Variants in ARHGAP22 observed in about 807,000 individuals in gnomAD.
ARHGAP22 encodes rho GTPase-activating protein 22.
Under a neutral mutation model 59.1 loss-of-function variants are expected in ARHGAP22, and 48 were observed. The ratio of observed to expected loss-of-function variants is 0.81; its 90% CI spans 0.64 to 1.03. ARHGAP22 has a LOEUF of 1.03. ARHGAP22 is among the 50% of genes least tolerant of loss of function. The probability of loss-of-function intolerance (pLI) is 0.00; values close to 1 mark genes in which losing one functional copy is unlikely to be tolerated. For synonymous variants in ARHGAP22, 445 were observed against 416.4 expected (o/e 1.07, Z -0.84); for missense variants, 1,015 against 958.7 (o/e 1.06, Z -0.78).
At chr10:48,649,142 C>A (rs553297132) in intron 1 of ARHGAP22, among the ~76,000 whole-genome samples, 1 of 152,208 alleles carries the variant, frequency 6.6e-6, no homozygotes, top group Non-Finnish European at 1.5e-5. Context: ...GAGAACAAGT[C>A]CAAGTTTCTG....
chr10:48,447,216 C>T (rs562915656), intron 9 of ARHGAP22, among the ~76,000 whole-genome samples: 3 of 152,364 alleles, frequency 2.0e-5, no homozygotes, highest in South Asian at 4.1e-4. Context: ...CTATACCACA[C>T]GCTTCCATGC....
At chr10:48,520,413 C>T (rs939087375) in intron 3 of ARHGAP22, among the ~76,000 whole-genome samples, 2 of 152,170 alleles carry the variant, frequency 1.3e-5, no homozygotes, top group South Asian at 2.1e-4. Context: ...GGAGCAGGCC[C>T]GCAGGTGCTC....
the ARHGAP22 span, chr10:48,431,032 T>C: frequency 9.3e-6 from 6 of 644,100 alleles, no homozygotes; most frequent in Non-Finnish European, 1.7e-5. Context: ...TTGTTATTAA[T>C]TAACATCCTT....
intron 3 of ARHGAP22, among the ~76,000 whole-genome samples, chr10:48,508,242 C>T (rs1005143549): frequency 1.3e-5 from 2 of 152,244 alleles, no homozygotes; most frequent in African/African-American, 4.8e-5. Flanking sequence ...GGTCACTTTT[C>T]CTGCTGCAGT....
Position 48,446,474 on chromosome 10 carries a change from G to C in ARHGAP22, c.2014C>G (p.Leu672Val). 1 of 1,614,206 alleles carries C rather than the reference G, an allele frequency of 6.2e-7. No individual in the cohort carries two copies. Among genetic ancestry groups the C allele is most frequent in the Non-Finnish European group, 8.5e-7 (1 of 1,180,036 alleles). The stretch of plus-strand genomic sequence containing the variant: ...AACTCCTCCATTTCCCTCTGCAACA[G>C]CTGGTTCCTCCTCTCCGCATCCTCC... ...AREDAERRNQLLQREMEEFFS... is the reference protein window; with the variant it reads ...AREDAERRNQVLQREMEEFFS... The change falls in exon 10 of 10, where the codon CTG becomes GTG. Residue 672 changes from leucine to valine, a missense_variant. By Grantham distance (32) the Leu-to-Val change is conservative. Coordinates refer to ENST00000249601, the MANE Select transcript of ARHGAP22 (RefSeq NM_021226.4).
chr10:48,622,634 G>T lies in ARHGAP22; in HGVS notation c.52+29600C>A, dbSNP rs546215099. 2.0e-5 allele frequency among the ~76,000 whole-genome samples: 3 copies of T among 152,294 alleles called. No individual in the cohort carries two copies. The South Asian group carries it at 6.2e-4, about 32-fold the overall frequency. The stretch of plus-strand genomic sequence containing the variant: ...TTAGACAGCCCTGGGATCAAAATCT[G>T]ACCATCATATACTGGCTGAGTGGAT... On this transcript the variant is annotated intron_variant, in intron 1 of 9. Coordinates refer to the ARHGAP22 transcript ENST00000435790.
At chr10:48,596,425 G>A (rs1001101714) in intron 1 of ARHGAP22, among the ~76,000 whole-genome samples, 1 of 152,162 alleles carries the variant, frequency 6.6e-6, no homozygotes, top group African/African-American at 2.4e-5. Flanking sequence ...TGAGACAGTC[G>A]GGCTTGGGGT....
At chr10:48,652,576 C>T in exon 1 of ARHGAP22, 2 of 450,992 alleles carry the variant, frequency 4.4e-6, no homozygotes, top group Non-Finnish European at 7.9e-6. Flanking sequence ...AAAATGGGAA[C>T]AATAGTGACA....
intron 1 of ARHGAP22, among the ~76,000 whole-genome samples, chr10:48,651,250 TC>T (rs769628896): frequency 9.9e-5 from 15 of 152,080 alleles, no homozygotes; most frequent in Non-Finnish European, 2.1e-4. Context: ...CCCACTAGCT[TC>T]TAGAATTTCC....
rs559089044 is a variant in ARHGAP22, at chr10:48,645,986, A to G, written c.52+6248T>C. On this transcript the variant is annotated intron_variant, in intron 1 of 9. Coordinates refer to the ARHGAP22 transcript ENST00000435790. The stretch of plus-strand genomic sequence containing the variant: ...CTAATTTAAAAATCTGCTAGAACTA[A>G]TAAGTTTTTCAAAGTTGCAGAATAC... 1.2e-4 allele frequency among the ~76,000 whole-genome samples: 19 copies of G among 152,352 alleles called. No homozygotes were observed. In the South Asian group the frequency reaches 3.9e-3, roughly 32 times the overall value.
exon 1 of ARHGAP22, chr10:48,652,249 C>T: frequency 6.5e-7 from 1 of 1,535,650 alleles, no homozygotes; most frequent in African/African-American, 1.4e-5. Flanking sequence ...TATCTGGCTG[C>T]AAACGTCCTC....
chr10:48,529,169 G>A (rs371361352), intron 3 of ARHGAP22, among the ~76,000 whole-genome samples: 10 of 152,296 alleles, frequency 6.6e-5, no homozygotes, highest in African/African-American at 2.2e-4. Flanking sequence ...TGGCTAGAGC[G>A]AGATAGGGAC....
intron 3 of ARHGAP22, among the ~76,000 whole-genome samples, chr10:48,530,023 G>A (rs2054670608): frequency 6.6e-6 from 1 of 152,104 alleles, no homozygotes; most frequent in African/African-American, 2.4e-5. Context: ...GATCATCTGA[G>A]GTCAAGAGTT....
At chr10:48,440,868 G>T in the ARHGAP22 span, among the ~76,000 whole-genome samples, 2 of 152,348 alleles carry the variant, frequency 1.3e-5, no homozygotes, top group Admixed American at 6.5e-5. Context: ...ATAGCCAGTT[G>T]AGAGAAGGGA....
chr10:48,597,826 G>A (rs2135835122), intron 1 of ARHGAP22, among the ~76,000 whole-genome samples: 1 of 152,312 alleles, frequency 6.6e-6, no homozygotes, highest in African/African-American at 2.4e-5. Flanking sequence ...CTGCCTATGA[G>A]CCATTAGCTT....
intron 3 of ARHGAP22, among the ~76,000 whole-genome samples, chr10:48,491,170 C>T (rs536195350): frequency 6.6e-5 from 10 of 152,188 alleles, no homozygotes; most frequent in Admixed American, 1.3e-4. Flanking sequence ...GCAAAGGCCT[C>T]GCAGTGAGCC....
At chr10:48,609,458 GA>G (rs1275570626), upstream of ARHGAP22, among the ~76,000 whole-genome samples, 1 of 152,208 alleles carries the variant, frequency 6.6e-6, no homozygotes. Flanking sequence ...TTCCCATGTA[GA>G]ATATGGTAGA....
chr10:48,489,730 CTTTTT>C (rs377099863), intron 3 of ARHGAP22, among the ~76,000 whole-genome samples: 1 of 119,600 alleles, frequency 8.4e-6, no homozygotes, highest in Non-Finnish European at 1.7e-5. Flanking sequence ...GAGGCTGCCT[CTTTTT>C]TTTTTTTTTT....
intron 3 of ARHGAP22, among the ~76,000 whole-genome samples, chr10:48,517,258 A>C (rs1280633988): frequency 1.3e-5 from 2 of 152,224 alleles, no homozygotes; most frequent in East Asian, 3.8e-4. Context: ...AATACATGAA[A>C]TACACCTCAA....
Sources: allele counts gnomAD v4.1 joint callset (sites outside exome capture counted in the v4.1 genomes callset), GRCh38; gene constraint gnomAD v4.1.1; transcripts MANE v1.5; gene names NCBI Gene and HGNC (gene_info 2026-07-23, HGNC 2026-07-21).